The following SLC25A13 variants were observed in gnomAD, a reference collection of about 807,000 sequenced individuals.
SLC25A13 encodes solute carrier family 25 member 13, also known as electrogenic aspartate/glutamate antiporter SLC25A13, mitochondrial.
SLC25A13 carries 70 observed loss-of-function variants against 85.5 expected under a neutral mutation model. The observed-to-expected ratio is 0.82, with a 90% CI of 0.68 to 1.00. The LOEUF is 1.00. Ranked by LOEUF, SLC25A13 falls within the 50% of genes least tolerant of loss-of-function variation. SLC25A13 has a pLI of 0.00. For missense variants in SLC25A13, 765 were observed against 819.8 expected, an observed-to-expected ratio of 0.93 and a Z score of 0.82; for synonymous variants, 259 against 288.7, an observed-to-expected ratio of 0.90 and a Z score of 1.04.
At chr7:96,128,190 T>C (rs1032876435) in intron 15 of SLC25A13, among the ~76,000 whole-genome samples, 3 of 152,260 alleles carry the variant, frequency 2.0e-5, no homozygotes, top group Non-Finnish European at 4.4e-5. Context: ...TCTTTTTTCC[T>C]AATTCTAATA....
intron 2 of SLC25A13, among the ~76,000 whole-genome samples, chr7:96,281,555 T>C (rs1375754285): frequency 2.6e-5 from 4 of 152,120 alleles, no homozygotes; most frequent in East Asian, 1.9e-4. Context: ...TAACATACAG[T>C]GACCAGAATT....
At chr7:96,131,950 G>A in intron 14 of SLC25A13, 69 bp from the exon 15 acceptor site, 4 of 1,603,234 alleles carry the variant, frequency 2.5e-6, no homozygotes, top group Non-Finnish European at 3.4e-6. Flanking sequence ...AGCTTCTCTG[G>A]AACTCACCTC....
At chr7:96,228,698 G>A (rs963728348) in intron 4 of SLC25A13, among the ~76,000 whole-genome samples, 2 of 152,208 alleles carry the variant, frequency 1.3e-5, no homozygotes, top group African/African-American at 4.8e-5. Context: ...CTTGCAGGGA[G>A]GTGTGGAGAT....
rs150865760 is a variant in SLC25A13 at position 96,243,917 on chromosome 7, A to C, written c.213-9000T>G. Among the ~76,000 whole-genome samples, 253 of 152,214 alleles carry C rather than the reference A, an allele frequency of 1.7e-3. 3 individuals are homozygous for C. The highest frequency in any genetic ancestry group is 5.9e-3 in the African/African-American group (244 of 41,532). ...TTCCTAGGGAAATCAGCTGCTGTTG[A>C]AGGGTTTTATGCAGGGGAGTGATGT... On this transcript the variant is annotated intron_variant, in intron 3 of 17. Coordinates refer to ENST00000265631, the MANE Select transcript of SLC25A13 (RefSeq NM_014251.3).
At chr7:96,309,693 T>C (rs1167088130) in intron 1 of SLC25A13, 7 of 152,114 alleles carry the variant, frequency 4.6e-5, no homozygotes, top group African/African-American at 1.7e-4. Flanking sequence ...GTTCAAAATC[T>C]AGGAGGAAAC....
chr7:96,142,145 CA>C (rs575706515), intron 14 of SLC25A13, among the ~76,000 whole-genome samples: 82 of 152,216 alleles, frequency 5.4e-4, no homozygotes, highest in East Asian at 9.6e-4. Flanking sequence ...ATTTTAGATT[CA>C]GGGGGTACAC....
chr7:96,169,788 ACTT>A, intron 13 of SLC25A13: 2 of 507,006 alleles, frequency 3.9e-6, no homozygotes, highest in Non-Finnish European at 7.0e-6. Flanking sequence ...GCCACAAATG[ACTT>A]CCATTGCAGA....
chr7:96,295,820 A>G (rs6465500), intron 2 of SLC25A13, among the ~76,000 whole-genome samples: 148,523 of 151,072 alleles, frequency 0.98, 73,046 homozygotes, highest in Middle Eastern at 1. Context: ...TGTTTAGAAA[A>G]ACATATATAT....
Position 96,120,498 on chromosome 7 carries a change from G to A in SLC25A13, c.*693C>T. 2.2e-6 allele frequency: 1 copy of A among 454,438 alleles called. No homozygotes were observed. The highest frequency in any genetic ancestry group is 6.9e-4 in the Middle Eastern group (1 of 1,444). The allele number at this position is 454,438 out of a possible 1,614,324, so 28.2% of individuals were successfully genotyped here. On this transcript the variant is annotated 3_prime_UTR_variant, in exon 18 of 18. Coordinates refer to ENST00000265631, the MANE Select transcript of SLC25A13 (RefSeq NM_014251.3). ...CAGTTTTTCAAAATTAGCACTTCCA[G>A]GAGAGGGGCTACATCTCAGTTTTTT...
At chr7:96,153,856 TTTTACAAGTGGCATTAA>T (rs1223991972) in intron 13 of SLC25A13, among the ~76,000 whole-genome samples, 2 of 152,214 alleles carry the variant, frequency 1.3e-5, no homozygotes, top group African/African-American at 4.8e-5. Context: ...ATTTTTATTC[TTTTACAAGTGGCATTAA>T]TAAAGAATAA....
intron 5 of SLC25A13, among the ~76,000 whole-genome samples, chr7:96,207,626 A>C (rs887174121): frequency 2.0e-5 from 3 of 152,244 alleles, no homozygotes; most frequent in African/African-American, 7.2e-5. Flanking sequence ...AAGCAAATGC[A>C]TAAACATCTA....
At chr7:96,166,844 C>T (rs928403384) in intron 13 of SLC25A13, 1 of 152,052 alleles carries the variant, frequency 6.6e-6, no homozygotes, top group South Asian at 2.1e-4. Context: ...TCAATCACAT[C>T]CCTCTAAAGG....
rs538057626 is a variant in SLC25A13 at position 96,153,527 on chromosome 7, T to C, written c.1312-6831A>G. Among the ~76,000 whole-genome samples the C allele has an allele frequency of 1.6e-3, 249 of 152,342 alleles. 1 individual carries two copies. The highest frequency in any genetic ancestry group is 5.7e-3 in the African/African-American group (235 of 41,580). Reference sequence around the variant, plus strand: ...AGGGCTTAGGGCTGCACATCTGCACTGGGCTGCATACCTGCACCTGGCTGC... The same window carrying C: ...AGGGCTTAGGGCTGCACATCTGCACCGGGCTGCATACCTGCACCTGGCTGC... On this transcript the variant is annotated intron_variant, in intron 13 of 17. Coordinates refer to ENST00000265631, the MANE Select transcript of SLC25A13 (RefSeq NM_014251.3).
At chr7:96,259,217 C>T (rs922390714) in intron 3 of SLC25A13, among the ~76,000 whole-genome samples, 1 of 152,136 alleles carries the variant, frequency 6.6e-6, no homozygotes, top group Non-Finnish European at 1.5e-5. Context: ...CAAATGGGAT[C>T]TAATTAAACT....
intron 3 of SLC25A13, among the ~76,000 whole-genome samples, chr7:96,248,861 C>A (rs1797307033): frequency 6.6e-6 from 1 of 152,116 alleles, no homozygotes; most frequent in Non-Finnish European, 1.5e-5. Context: ...ATCTCTGACA[C>A]CTCCATGACA....
chr7:96,151,194 C>T (rs1051428604), intron 13 of SLC25A13, among the ~76,000 whole-genome samples: 16 of 152,080 alleles, frequency 1.1e-4, no homozygotes, highest in Admixed American at 5.2e-4. Flanking sequence ...TTCTGCCAAG[C>T]GAAATTTTAA....
intron 1 of SLC25A13, among the ~76,000 whole-genome samples, chr7:96,315,783 T>C (rs1800105462): frequency 1.3e-5 from 2 of 152,134 alleles, no homozygotes; most frequent in Admixed American, 6.5e-5. Flanking sequence ...AGTTTTTACA[T>C]AGGGGAGAAA....
intron 13 of SLC25A13, among the ~76,000 whole-genome samples, chr7:96,169,357 C>A (rs988009812): frequency 1.3e-5 from 2 of 152,160 alleles, no homozygotes; most frequent in African/African-American, 4.8e-5. Context: ...GTGATCAAAG[C>A]CTGTTATTTA....
chr7:96,284,482 G>A (rs1798810344), intron 2 of SLC25A13, among the ~76,000 whole-genome samples: 1 of 152,166 alleles, frequency 6.6e-6, no homozygotes, highest in Admixed American at 6.5e-5. Context: ...ATGTTACTCT[G>A]TAATATGTCT....
Sources: allele counts gnomAD v4.1 joint callset (sites outside exome capture counted in the v4.1 genomes callset), GRCh38; gene constraint gnomAD v4.1.1; transcripts MANE v1.5; gene names NCBI Gene and HGNC (gene_info 2026-07-23, HGNC 2026-07-21).